Variants in GTF3A observed in about 807,000 individuals in gnomAD.
The protein encoded by GTF3A is general transcription factor IIIA.
A neutral mutation model predicts 37.6 loss-of-function variants in GTF3A; 40 were observed. The observed-to-expected ratio is 1.06, with a 90% CI of 0.83 to 1.38. The LOEUF is 1.38. GTF3A is among the 40% of genes most tolerant of loss of function. The pLI, the probability that GTF3A is intolerant of heterozygous loss-of-function variation, is 0.00. For synonymous variants in GTF3A, 191 were observed against 166.7 expected, an observed-to-expected ratio of 1.15 and a Z score of -1.12; for missense variants, 500 against 462.6, an observed-to-expected ratio of 1.08 and a Z score of -0.74.
intron 2 of GTF3A, among the ~76,000 whole-genome samples, chr13:27,427,940 G>A (rs186434411): frequency 3.3e-5 from 5 of 151,998 alleles, no homozygotes; most frequent in African/African-American, 4.8e-5. Context: ...CCCACTGCTC[G>A]CTGGACAGTG....
chr13:27,434,017 C>A, intron 5 of GTF3A, 122 bp from the exon 6 acceptor site: 1 of 637,772 alleles, frequency 1.6e-6, no homozygotes, highest in Non-Finnish European at 2.9e-6. Context: ...CCTCAAGAGG[C>A]TGAGTTGAAT....
chr13:27,434,976 AG>A lies in GTF3A; in HGVS notation c.817del (p.Glu273LysfsTer18), dbSNP rs1216952905. On this transcript the variant is annotated frameshift_variant, in exon 7 of 9. Coordinates refer to ENST00000381140, the MANE Select transcript of GTF3A (RefSeq NM_002097.3). LOFTEE classifies it high-confidence loss of function. ...CAAAGCCATATCCTCTCCTTCCATG[AG>A]GAAAGCCGCCCTTTTGTGTGTGAAC... 1.9e-6 allele frequency: 3 copies of A among 1,612,684 alleles called. No individual in the cohort carries two copies. Among genetic ancestry groups the A allele is most frequent in the Admixed American group, 1.7e-5 (1 of 60,022 alleles).
chr13:27,433,770 A>G (rs1281496863), intron 5 of GTF3A, among the ~76,000 whole-genome samples: 2 of 152,072 alleles, frequency 1.3e-5, no homozygotes, highest in Admixed American at 6.5e-5. Flanking sequence ...TGGAGATAGG[A>G]GGTTAAAGCA....
At chr13:27,428,923 GC>G (rs58351694) in intron 2 of GTF3A, among the ~76,000 whole-genome samples, 9,971 of 152,170 alleles carry the variant, frequency 0.066, 1,046 homozygotes, top group East Asian at 0.46. Flanking sequence ...TAAGAGGCAT[GC>G]CCCCTTATTT....
intron 1 of GTF3A, chr13:27,426,381 C>G (rs1953605606): frequency 6.6e-6 from 1 of 152,314 alleles, no homozygotes; most frequent in South Asian, 2.1e-4. Flanking sequence ...TGTTTTGCTC[C>G]TAGTACTCTC....
chr13:27,435,232 G>GA, intron 8 of GTF3A, 40 bp downstream of exon 8: 1 of 1,531,726 alleles, frequency 6.5e-7, no homozygotes, highest in Non-Finnish European at 8.9e-7. Context: ...TTTTCAAGTG[G>GA]AAATTGTTTA....
intron 5 of GTF3A, among the ~76,000 whole-genome samples, chr13:27,433,579 C>T (rs1214073246): frequency 2.7e-5 from 4 of 147,578 alleles, no homozygotes; most frequent in Admixed American, 1.4e-4. Context: ...TATAATGTAC[C>T]CTACTTTTTT....
rs948258242 is a variant in GTF3A at position 27,435,380 on chromosome 13, C to T, written c.934-53C>T. On this transcript the variant is annotated intron_variant, in intron 8 of 8. Transcript: ENST00000381140. ...GTACATATGACTATCGTAAAATTAA[C>T]TCAGACAGTTTTGATTTTGAATTCT... The T allele has an allele frequency of 5.8e-6, 9 of 1,547,912 alleles. No homozygotes were observed. In the African/African-American group the frequency reaches 1.1e-4, roughly 19 times the overall value.
rs551122004 is a variant in GTF3A at position 27,424,638 on chromosome 13, G to C, written c.-100G>C. 1 of 817,080 alleles carries C rather than the reference G, an allele frequency of 1.2e-6. No homozygotes were observed. Among genetic ancestry groups the C allele is most frequent in the Non-Finnish European group, 1.7e-6 (1 of 605,200 alleles). The allele number at this position is 817,080 out of a possible 1,614,324, so 50.6% of individuals were successfully genotyped here. A position where few individuals can be genotyped will look rare whatever the true frequency, so the allele number is the denominator to read the frequency against. On this transcript the variant is annotated 5_prime_UTR_variant, in exon 1 of 9. Transcript: ENST00000381140. ...TCCCGGAAGTGTGCCGGCGTCGCGCGAAGGTTCAGCAGGGAGCCGTGGGCC... is the reference window on the plus strand; with the variant it reads ...TCCCGGAAGTGTGCCGGCGTCGCGCCAAGGTTCAGCAGGGAGCCGTGGGCC...
intron 1 of GTF3A, 146 bp downstream of exon 1, chr13:27,425,084 T>C: frequency 1.7e-6 from 1 of 576,286 alleles, no homozygotes. Flanking sequence ...GCTGAGGAAG[T>C]AGACAGGAAG....
Position 27,435,474 on chromosome 13 carries a change from C to T in GTF3A, c.975C>T (p.Leu325=). ...AAAAACGGAGTTTGGCCTCTCATCT[C>T]AGTGGATATATCCCTCCCAAAAGGA... Residue 325 remains leucine (L), a synonymous_variant, in exon 9 of 9, where the codon CTC becomes CTT. Coordinates refer to ENST00000381140, the MANE Select transcript of GTF3A (RefSeq NM_002097.3). 1 of 1,613,376 alleles carries T rather than the reference C, an allele frequency of 6.2e-7. No individual in the cohort carries two copies. Among genetic ancestry groups the T allele is most frequent in the Non-Finnish European group, 8.5e-7 (1 of 1,179,534 alleles).
At chr13:27,425,908 A>G (rs914981941) in intron 1 of GTF3A, 1 of 152,682 alleles carries the variant, frequency 6.5e-6, no homozygotes, top group African/African-American at 2.4e-5. Context: ...CCTCTCCAGC[A>G]CTGGAAGGCC....
Position 27,432,784 on chromosome 13 carries a change from G to C in GTF3A, c.542G>C (p.Arg181Pro), listed in dbSNP as rs759383712. 1 of 1,604,490 alleles carries C rather than the reference G, an allele frequency of 6.2e-7. No homozygotes were observed. The highest frequency in any genetic ancestry group is 1.3e-5 in the African/African-American group (1 of 74,918). The change falls in exon 5 of 9, where the codon CGA becomes CCA. Residue 181 changes from arginine (R) to proline (P), a missense_variant. Arg to Pro is a moderately radical substitution (Grantham distance 103, BLOSUM62 -2). Transcript: ENST00000381140. ...TTTGCATCACCCAGCAAGCTGAAACGACATGCCAAGGCCCACGAGGGTGTG... is the reference window on the plus strand; with the variant it reads ...TTTGCATCACCCAGCAAGCTGAAACCACATGCCAAGGCCCACGAGGGTGTG...
Sources: allele counts gnomAD v4.1 joint callset (sites outside exome capture counted in the v4.1 genomes callset), GRCh38; gene constraint gnomAD v4.1.1; transcripts MANE v1.5; gene names NCBI Gene and HGNC (gene_info 2026-07-23, HGNC 2026-07-21).